Variants in ZNF670 observed in about 807,000 individuals in gnomAD.
The protein encoded by ZNF670 is zinc finger protein 670.
Under a neutral mutation model 10.9 loss-of-function variants are expected in ZNF670, and 7 were observed. The ratio of observed to expected loss-of-function variants is 0.64; its 90% CI spans 0.36 to 1.20. The LOEUF (loss-of-function observed/expected upper bound fraction) is 1.20, where lower values mean the gene tolerates loss of function less well. Among genes scored for constraint, ZNF670 ranks in the 50% most tolerant of loss-of-function variants. The probability of loss-of-function intolerance (pLI) is 0.02; values close to 1 mark genes in which losing one functional copy is unlikely to be tolerated. For synonymous variants in ZNF670, 136 were observed against 152.7 expected, an observed-to-expected ratio of 0.89 and a Z score of 0.81; for missense variants, 446 against 458.6, an observed-to-expected ratio of 0.97 and a Z score of 0.25.
chr1:247,037,808 G>A lies in ZNF670; in HGVS notation c.811C>T (p.His271Tyr). The A allele has an allele frequency of 6.2e-7, 1 of 1,613,142 alleles. No homozygotes were observed. The part of the protein sequence containing the change: ...AFSRSTYLGI[H>Y]ERTHTGEKPY... Reference sequence around the variant, plus strand: ...TTTTCTCCAGTATGCGTTCTTTCATGTATTCCCAAGTAAGTGGAACGACTG... The same window carrying A: ...TTTTCTCCAGTATGCGTTCTTTCATATATTCCCAAGTAAGTGGAACGACTG... The change falls in exon 4 of 4, where the codon CAT (histidine) becomes TAT (tyrosine). Residue 271 changes from histidine to tyrosine, a missense_variant. Coordinates refer to ENST00000366503, the MANE Select transcript of ZNF670 (RefSeq NM_033213.5).
chr1:247,039,594 T>A, intron 1 of ZNF670, 57 bp from the exon 2 acceptor site: 7 of 1,419,816 alleles, frequency 4.9e-6, no homozygotes, highest in Non-Finnish European at 6.5e-6. Flanking sequence ...GTACTAAGAA[T>A]CTATACTCAT....
In ZNF670 at chr1:247,069,171, G is replaced by T. The variant is rs140025565; in HGVS notation, c.3+9423C>A. 1.3e-3 allele frequency among the ~76,000 whole-genome samples: 204 copies of T among 151,114 alleles called. 3 individuals carry two copies. The highest frequency in any genetic ancestry group is 2.1e-3 in the Non-Finnish European group (146 of 68,006). On this transcript the variant is annotated intron_variant, in intron 1 of 3. Transcript: ENST00000366503. ...TGATAACTTAATTGTACATTTTAAC[G>T]TAACTTAAAGAGTGTAATTTGATTG... is the stretch of plus-strand genomic sequence containing the variant.
intron 1 of ZNF670, among the ~76,000 whole-genome samples, chr1:247,054,902 A>G (rs1380680530): frequency 1.3e-5 from 2 of 152,258 alleles, no homozygotes. Context: ...TACATAAAAT[A>G]TAACAAGAAA....
intron 1 of ZNF670, among the ~76,000 whole-genome samples, chr1:247,050,618 A>G (rs192050216): frequency 6.6e-6 from 1 of 151,954 alleles, no homozygotes; most frequent in Admixed American, 6.6e-5. Context: ...TGGGACTACA[A>G]GCATGCACCA....
At chr1:247,065,584 G>C (rs1670961762) in intron 1 of ZNF670, among the ~76,000 whole-genome samples, 1 of 152,206 alleles carries the variant, frequency 6.6e-6, no homozygotes, top group African/African-American at 2.4e-5. Flanking sequence ...TACAAATAAA[G>C]TGGAATAGCG....
At chr1:247,046,524 G>T (rs1474587458) in intron 1 of ZNF670, among the ~76,000 whole-genome samples, 2 of 152,204 alleles carry the variant, frequency 1.3e-5, no homozygotes, top group Admixed American at 6.5e-5. Flanking sequence ...AAGCCTGCAG[G>T]TGCATAGAAT....
chr1:247,057,167 A>T (rs1670739709), intron 1 of ZNF670, among the ~76,000 whole-genome samples: 1 of 152,224 alleles, frequency 6.6e-6, no homozygotes, highest in Admixed American at 6.5e-5. Flanking sequence ...AATTCTAATA[A>T]TCTCATCCAA....
chr1:247,044,947 G>T (rs1244191641), intron 1 of ZNF670, among the ~76,000 whole-genome samples: 1 of 149,406 alleles, frequency 6.7e-6, no homozygotes, highest in East Asian at 2.0e-4. Context: ...GTACCCCCCA[G>T]AACACAAAAG....
At chr1:247,043,028 T>C (rs1053122282) in intron 1 of ZNF670, 11 of 859,324 alleles carry the variant, frequency 1.3e-5, no homozygotes, top group Non-Finnish European at 2.0e-5. Flanking sequence ...AAGATTGATA[T>C]AGGTGCAGTA....
chr1:247,044,290 T>C (rs1670388164), intron 1 of ZNF670, among the ~76,000 whole-genome samples: 1 of 151,738 alleles, frequency 6.6e-6, no homozygotes, highest in African/African-American at 2.4e-5. Context: ...ATTCAGGCTA[T>C]TATTAGAGTC....
At chr1:247,064,149 T>C (rs1670930081) in intron 1 of ZNF670, among the ~76,000 whole-genome samples, 1 of 152,196 alleles carries the variant, frequency 6.6e-6, no homozygotes, top group Non-Finnish European at 1.5e-5. Context: ...TTCCAGAATG[T>C]CACGGGTGTC....
chr1:247,050,813 T>C (rs990339505), intron 1 of ZNF670, among the ~76,000 whole-genome samples: 6 of 152,112 alleles, frequency 3.9e-5, no homozygotes, highest in African/African-American at 1.2e-4. Context: ...ATCTTTTAAG[T>C]GGGGGCATTT....
At chr1:247,041,011 A>G (rs967244335) in intron 1 of ZNF670, among the ~76,000 whole-genome samples, 3 of 152,206 alleles carry the variant, frequency 2.0e-5, no homozygotes, top group Non-Finnish European at 4.4e-5. Context: ...TTTTGTATGT[A>G]AAGTTCATTA....
rs752102748 is a variant in ZNF670 at position 247,037,677 on chromosome 1, A to T, written c.942T>A (p.Cys314Ter). 6.2e-7 allele frequency: 1 copy of T among 1,613,902 alleles called. No individual in the cohort carries two copies. Among genetic ancestry groups the T allele is most frequent in the African/African-American group, 1.3e-5 (1 of 74,908 alleles). ...TACTAGAATATTTGAAGGCTTTACC[A>T]CATTGTTTACATTCATAGGGCTTTT... is the stretch of plus-strand genomic sequence containing the variant. Reference protein sequence around the residue: ...SGEKPYECKQCGKAFKYSSNL... With the variant: ...SGEKPYECKQ Residue 314 changes from cysteine (C) to a stop codon, truncating the protein, a stop_gained, in exon 4 of 4, where the codon TGT becomes TGA. Transcript: ENST00000366503. LOFTEE classifies it low-confidence loss of function (END_TRUNC).
At chr1:247,068,873 C>G (rs1021010321) in intron 1 of ZNF670, among the ~76,000 whole-genome samples, 1 of 144,566 alleles carries the variant, frequency 6.9e-6, no homozygotes, top group African/African-American at 2.7e-5. Flanking sequence ...TCGTTTGCAG[C>G]AACAACACGG....
chr1:247,043,562 T>C, intron 1 of ZNF670: 1 of 657,606 alleles, frequency 1.5e-6, no homozygotes, highest in Non-Finnish European at 2.7e-6. Flanking sequence ...TCAACAAAGC[T>C]TCCAAAAGTC....
At chr1:247,068,953 C>A (rs534963876) in intron 1 of ZNF670, among the ~76,000 whole-genome samples, 20 of 149,794 alleles carry the variant, frequency 1.3e-4, no homozygotes, top group African/African-American at 4.8e-4. Flanking sequence ...CATGTTCTCA[C>A]TTATCTGTGG....
intron 1 of ZNF670, among the ~76,000 whole-genome samples, chr1:247,074,980 C>T (rs1444502938): frequency 6.6e-6 from 1 of 152,172 alleles, no homozygotes; most frequent in African/African-American, 2.4e-5. Flanking sequence ...CCAACCACAT[C>T]CACCTGTGAA....
At position 247,036,385 on chromosome 1, in the gene ZNF670, G is replaced by C. The variant is rs1670150543; in HGVS notation, c.*1064C>G. Among the ~76,000 whole-genome samples the C allele has an allele frequency of 6.6e-6, 1 of 152,206 alleles. No homozygotes were observed. Among genetic ancestry groups the C allele is most frequent in the Non-Finnish European group, 1.5e-5 (1 of 68,046 alleles). On this transcript the variant is annotated 3_prime_UTR_variant, in exon 4 of 4. Transcript: ENST00000366503. ...AGTAAAAAGTGGGCCAGGTGTGGTA[G>C]CTCATGTCAGTAACCCCAACATGTA...
Sources: allele counts gnomAD v4.1 joint callset (sites outside exome capture counted in the v4.1 genomes callset), GRCh38; gene constraint gnomAD v4.1.1; transcripts MANE v1.5; gene names NCBI Gene and HGNC (gene_info 2026-07-23, HGNC 2026-07-21).